Variants in SLC14A2 observed in about 807,000 individuals in gnomAD.
The protein encoded by SLC14A2 is solute carrier family 14 member 2, also known as urea transporter 2.
A neutral mutation model predicts 104.6 loss-of-function variants in SLC14A2; 91 were observed. The ratio of observed to expected loss-of-function variants is 0.87; its 90% CI spans 0.73 to 1.04. The LOEUF (loss-of-function observed/expected upper bound fraction) is 1.04, where lower values mean the gene tolerates loss of function less well. Among genes scored for constraint, SLC14A2 ranks in the 50% least tolerant of loss-of-function variants. The pLI, the probability that SLC14A2 is intolerant of heterozygous loss-of-function variation, is 0.00. For missense variants in SLC14A2, 1,189 were observed against 1,156.0 expected (o/e 1.03, Z -0.41); for synonymous variants, 476 against 466.4 (o/e 1.02, Z -0.27).
chr18:45,230,563 A>C (rs1307238622), intron 1 of SLC14A2, among the ~76,000 whole-genome samples: 1 of 152,172 alleles, frequency 6.6e-6, no homozygotes, highest in Non-Finnish European at 1.5e-5. Context: ...AATCCAAAAA[A>C]ATCCCCCCAA....
intron 1 of SLC14A2, among the ~76,000 whole-genome samples, chr18:45,245,120 C>T (rs996146204): frequency 3.3e-5 from 5 of 152,204 alleles, no homozygotes; most frequent in African/African-American, 1.2e-4. Flanking sequence ...TAACCTTTTC[C>T]TGCACCTCCT....
intron 1 of SLC14A2, among the ~76,000 whole-genome samples, chr18:45,228,372 G>T (rs920492014): frequency 2.0e-5 from 3 of 152,140 alleles, no homozygotes; most frequent in South Asian, 2.1e-4. Context: ...GACTGTGGGA[G>T]TCCTCCCTTA....
At chr18:45,262,181 A>G (rs2084546198) in intron 1 of SLC14A2, among the ~76,000 whole-genome samples, 1 of 152,220 alleles carries the variant, frequency 6.6e-6, no homozygotes, top group South Asian at 2.1e-4. Context: ...AATAAATTTT[A>G]AAAATTAATA....
intron 1 of SLC14A2, among the ~76,000 whole-genome samples, chr18:45,373,302 T>C (rs561865809): frequency 1.4e-3 from 220 of 152,278 alleles, no homozygotes; most frequent in African/African-American, 5.0e-3. Context: ...GGCTCCAGGC[T>C]CTCTCTCTAG....
At chr18:45,203,328 C>T in the SLC14A2 span, among the ~76,000 whole-genome samples, 4,030 of 152,204 alleles carry the variant, frequency 0.026, 190 homozygotes, top group African/African-American at 0.091. Flanking sequence ...AGTGTGATCT[C>T]CTAGGTGATA....
chr18:45,365,469 C>G (rs767679704), intron 1 of SLC14A2, among the ~76,000 whole-genome samples: 8 of 152,238 alleles, frequency 5.3e-5, no homozygotes, highest in African/African-American at 1.2e-4. Context: ...TGGAGAGGAA[C>G]AAAACAGGCA....
At chr18:45,293,963 G>C (rs2084896360) in intron 1 of SLC14A2, among the ~76,000 whole-genome samples, 1 of 152,202 alleles carries the variant, frequency 6.6e-6, no homozygotes, top group Admixed American at 6.5e-5. Context: ...ACAAATAACA[G>C]CTTGTTTTGC....
In SLC14A2 at chr18:45,666,164, G is replaced by T; in HGVS notation, c.1502G>T (p.Arg501Ile). The T allele has an allele frequency of 1.2e-6, 2 of 1,613,904 alleles. No individual in the cohort carries two copies. Among genetic ancestry groups the T allele is most frequent in the Non-Finnish European group, 8.5e-7 (1 of 1,179,820 alleles). The change falls in exon 12 of 20, where the codon AGA becomes ATA. Residue 501 changes from arginine to isoleucine, a missense_variant. Transcript: ENST00000255226. ...TTTGGAAAAGGCGAACACCAGGAAA[G>T]ACAAAACAAAGACCCATTTCCCTAT... Reference protein sequence around the residue: ...KVFGKGEHQERQNKDPFPYRY... With the variant: ...KVFGKGEHQEIQNKDPFPYRY...
chr18:45,312,231 A>G (rs2085086129), intron 1 of SLC14A2, among the ~76,000 whole-genome samples: 1 of 152,194 alleles, frequency 6.6e-6, no homozygotes, highest in African/African-American at 2.4e-5. Context: ...CTCACAATAC[A>G]TTATCAATAA....
At chr18:45,587,037 G>GAGTGT (rs2044576159) in intron 2 of SLC14A2, among the ~76,000 whole-genome samples, 1 of 151,748 alleles carries the variant, frequency 6.6e-6, no homozygotes, top group African/African-American at 2.4e-5. Context: ...ACCCAGGCTG[G>GAGTGT]AGTGTAGTTG....
At chr18:45,310,263 C>A (rs1003111579) in intron 1 of SLC14A2, among the ~76,000 whole-genome samples, 1 of 152,106 alleles carries the variant, frequency 6.6e-6, no homozygotes, top group African/African-American at 2.4e-5. Flanking sequence ...GCAATTTTAT[C>A]GGATATTACC....
chr18:45,580,318 C>T (rs551830124), intron 2 of SLC14A2, among the ~76,000 whole-genome samples: 1 of 152,310 alleles, frequency 6.6e-6, no homozygotes, highest in Admixed American at 6.5e-5. Flanking sequence ...ATGTGGTCAT[C>T]GTCAGCAGAT....
chr18:45,561,099 G>T (rs1440936650), intron 2 of SLC14A2, among the ~76,000 whole-genome samples: 5 of 152,108 alleles, frequency 3.3e-5, no homozygotes, highest in African/African-American at 1.2e-4. Context: ...CTGGAGGGAG[G>T]ATATGAGGAG....
At chr18:45,647,483 CTTGTT>C (rs1215846683) in intron 10 of SLC14A2, 7 of 152,260 alleles carry the variant, frequency 4.6e-5, no homozygotes, top group African/African-American at 1.7e-4. Context: ...GTCCTTTCTA[CTTGTT>C]TTGGTTTGTT....
chr18:45,390,743 C>A (rs1036327631), intron 1 of SLC14A2, among the ~76,000 whole-genome samples: 1 of 152,202 alleles, frequency 6.6e-6, no homozygotes, highest in Non-Finnish European at 1.5e-5. Flanking sequence ...CATGCAATGG[C>A]TGCTGGAGCC....
At chr18:45,510,272 T>C (rs1430487017) in intron 2 of SLC14A2, among the ~76,000 whole-genome samples, 1 of 152,144 alleles carries the variant, frequency 6.6e-6, no homozygotes, top group Non-Finnish European at 1.5e-5. Flanking sequence ...TCCCATGTGA[T>C]AGGGGAGAAA....
intron 1 of SLC14A2, among the ~76,000 whole-genome samples, chr18:45,478,237 G>A (rs2087422528): frequency 6.6e-6 from 1 of 152,172 alleles, no homozygotes; most frequent in African/African-American, 2.4e-5. Flanking sequence ...AATAGAAGAG[G>A]GAGTTCTTTG....
chr18:45,387,656 G>A (rs1464077261), intron 1 of SLC14A2, among the ~76,000 whole-genome samples: 4 of 152,158 alleles, frequency 2.6e-5, no homozygotes, highest in South Asian at 2.1e-4. Context: ...TATCCTCAGG[G>A]CAAGTCAGAA....
chr18:45,346,734 G>C (rs926762613), intron 1 of SLC14A2, among the ~76,000 whole-genome samples: 6 of 151,906 alleles, frequency 3.9e-5, no homozygotes, highest in Non-Finnish European at 7.4e-5. Context: ...TCGAGACCTG[G>C]CCAACATGAT....
Sources: gnomAD v4.1 joint callset for allele counts (sites outside exome capture counted in the v4.1 genomes callset) on GRCh38, gnomAD v4.1.1 for gene constraint, MANE v1.5 for transcripts, NCBI Gene and HGNC (gene_info 2026-07-23, HGNC 2026-07-21) for gene names.